Variants in EIF3A observed in about 807,000 individuals in gnomAD.
EIF3A encodes eukaryotic translation initiation factor 3 subunit A, also known as EIF3, p180 subunit.
A neutral mutation model predicts 186.6 loss-of-function variants in EIF3A; 21 were observed. The ratio of observed to expected loss-of-function variants is 0.11; its 90% CI spans 0.08 to 0.16. EIF3A has a LOEUF of 0.16. EIF3A is among the 10% of genes least tolerant of loss of function. The pLI, the probability that EIF3A is intolerant of heterozygous loss-of-function variation, is 1.00. For missense variants in EIF3A, 1,306 were observed against 1,796.3 expected (o/e 0.73, Z 4.93); for synonymous variants, 563 against 584.3 (o/e 0.96, Z 0.52).
intron 17 of EIF3A, among the ~76,000 whole-genome samples, chr10:119,046,745 G>T (rs893549412): frequency 6.6e-6 from 1 of 152,000 alleles, no homozygotes; most frequent in African/African-American, 2.4e-5. Context: ...GATCACCTGA[G>T]GTCAGGAGTT....
chr10:119,070,923 A>G lies in EIF3A; in HGVS notation c.704T>C (p.Val235Ala), dbSNP rs752325040. 1 of 1,613,984 alleles carries G rather than the reference A, an allele frequency of 6.2e-7. No individual in the cohort carries two copies. The highest frequency in any genetic ancestry group is 8.5e-7 in the Non-Finnish European group (1 of 1,179,860). ...SQSMHLETRL[V>A]QLDSAISMEL... ...CATGCTGATAGCACTGTCCAGCTGA[A>G]CAAGTCTGGTTTCCAAATGCATGGA... The change falls in exon 5 of 22, where the codon GTT (valine) becomes GCT (alanine). Residue 235 changes from valine (V) to alanine (A), a missense_variant. By Grantham distance (64) the Val-to-Ala change is moderately conservative. Coordinates refer to ENST00000369144, the MANE Select transcript of EIF3A (RefSeq NM_003750.4).
chr10:119,058,470 G>A (rs1843828064), intron 11 of EIF3A, among the ~76,000 whole-genome samples, 167 bp from the exon 12 acceptor site: 1 of 152,174 alleles, frequency 6.6e-6, no homozygotes, highest in African/African-American at 2.4e-5. Context: ...TAAATGCTAT[G>A]GTGTTGCTCC....
chr10:119,051,211 C>T lies in EIF3A; in HGVS notation c.2307G>A (p.Gln769=). The change falls in exon 15 of 22, where the codon CAG becomes CAA. Residue 769 remains glutamine, a synonymous_variant. Transcript: ENST00000369144. ...LFVMRLKAAR[Q]SVYEEKLKQF... is the part of the protein sequence containing the mutation. ...TCAGCAAGCTCACCTCATAAACAGA[C>T]TGCCGTGCAGCTTTGAGTCGCATTA... is the stretch of plus-strand genomic sequence containing the variant. 6.2e-7 allele frequency: 1 copy of T among 1,606,730 alleles called. No individual in the cohort carries two copies. The highest frequency in any genetic ancestry group is 8.5e-7 in the Non-Finnish European group (1 of 1,178,182).
At chr10:119,046,747 T>C (rs1195135933) in intron 17 of EIF3A, among the ~76,000 whole-genome samples, 1 of 151,454 alleles carries the variant, frequency 6.6e-6, no homozygotes, top group African/African-American at 2.4e-5. Flanking sequence ...TCACCTGAGG[T>C]CAGGAGTTCA....
At position 119,033,883 on chromosome 10, in the gene EIF3A, A is replaced by C. The variant is rs974997238; in HGVS notation, c.*2156T>G. ...TCAGTGTCTTTGGTTAAAAAAAAAA[A>C]AAAACACAGGCAGTTCTTTACATAA... On this transcript the variant is annotated 3_prime_UTR_variant, in exon 22 of 22. Transcript: ENST00000369144. 3.0e-5 allele frequency: 5 copies of C among 166,904 alleles called. No homozygotes were observed. Among genetic ancestry groups the C allele is most frequent in the Non-Finnish European group, 7.3e-5 (5 of 68,098 alleles). 10.3% of individuals were successfully genotyped at this position (166,904 alleles called of 1,614,324 possible).
chr10:119,067,362 GTAGA>G (rs1056439410), intron 6 of EIF3A, among the ~76,000 whole-genome samples: 5 of 152,172 alleles, frequency 3.3e-5, no homozygotes, highest in African/African-American at 1.2e-4. Context: ...CCTGAGGCAG[GTAGA>G]TCACTTGAGA....
Position 119,080,709 on chromosome 10 carries a change from C to A in EIF3A, c.-33G>T, listed in dbSNP as rs748702045. 2.5e-6 allele frequency: 4 copies of A among 1,577,032 alleles called. No individual in the cohort carries two copies. The South Asian group carries it at 4.7e-5, about 18-fold the overall frequency. ...GCAGGCTCAGCTCACCCGGCGTCAGCGAACTCTCTAGTGGCCCGGGCCGGG... is the reference window on the plus strand; with the variant it reads ...GCAGGCTCAGCTCACCCGGCGTCAGAGAACTCTCTAGTGGCCCGGGCCGGG... On this transcript the variant is annotated 5_prime_UTR_variant, in exon 1 of 22. Coordinates refer to ENST00000369144, the MANE Select transcript of EIF3A (RefSeq NM_003750.4).
intron 19 of EIF3A, among the ~76,000 whole-genome samples, chr10:119,039,727 C>A (rs1848183163): frequency 6.6e-6 from 1 of 151,998 alleles, no homozygotes; most frequent in South Asian, 2.1e-4. Flanking sequence ...TATGATATGC[C>A]TTAAGGAGAA....
intron 19 of EIF3A, 93 bp from the exon 20 acceptor site, chr10:119,038,532 T>G (rs1463839245): frequency 2.0e-6 from 2 of 995,630 alleles, no homozygotes; most frequent in Middle Eastern, 2.4e-4. Flanking sequence ...TAATTCATCA[T>G]CATTCTAAAT....
intron 17 of EIF3A, among the ~76,000 whole-genome samples, chr10:119,049,167 C>T (rs997200697): frequency 2.6e-5 from 4 of 151,916 alleles, no homozygotes; most frequent in African/African-American, 7.3e-5. Flanking sequence ...TTAAAAAGAG[C>T]GGTGAAAATG....
chr10:119,065,477 TATA>T lies in EIF3A; in HGVS notation c.1041_1043del (p.Ile348del). On this transcript the variant is annotated inframe_deletion, in exon 7 of 22. Coordinates refer to ENST00000369144, the MANE Select transcript of EIF3A (RefSeq NM_003750.4). ...TTGCAAGGCGACGCTGTTTTTCAAC[TATA>T]ATGCCATCCATATCCAGAAGTCGAG... is the stretch of plus-strand genomic sequence containing the variant. 1 of 1,613,546 alleles carries T rather than the reference TATA, an allele frequency of 6.2e-7. No individual in the cohort carries two copies. Among genetic ancestry groups the T allele is most frequent in the Non-Finnish European group, 8.5e-7 (1 of 1,179,454 alleles).
rs759685298 is a variant in EIF3A at position 119,080,724 on chromosome 10, C to T, written c.-48G>A. The T allele has an allele frequency of 1.3e-6, 2 of 1,559,796 alleles. No individual in the cohort carries two copies. Among genetic ancestry groups the T allele is most frequent in the East Asian group, 4.8e-5 (2 of 41,306 alleles). On this transcript the variant is annotated 5_prime_UTR_variant, in exon 1 of 22. Transcript: ENST00000369144. ...CCGGCGTCAGCGAACTCTCTAGTGG[C>T]CCGGGCCGGGAGAGGAGACGAAGGG...
At chr10:119,068,216 C>T (rs1355363630) in intron 6 of EIF3A, among the ~76,000 whole-genome samples, 1 of 152,092 alleles carries the variant, frequency 6.6e-6, no homozygotes, top group African/African-American at 2.4e-5. Context: ...TAGTTTGTTG[C>T]TAGAGAAGTT....
chr10:119,075,647 T>TAC lies in EIF3A; in HGVS notation c.50-1711_50-1710insGT, dbSNP rs1188833471. Among the ~76,000 whole-genome samples, 3 of 27,458 alleles carry TAC rather than the reference T, an allele frequency of 1.1e-4. No homozygotes were observed. In the East Asian group the frequency reaches 4.8e-3, roughly 44 times the overall value. The allele number at this position is 27,458 out of a possible 152,430, so 18.0% of individuals were successfully genotyped here. A position where few individuals can be genotyped will look rare whatever the true frequency, so the allele number is the denominator to read the frequency against. On this transcript the variant is annotated intron_variant, in intron 1 of 21. Transcript: ENST00000369144. ...GGGGGGGAGCTTAAAACACTATATA[T>TAC]ATACATATATATATATATATCTCCT...
At chr10:119,075,859 C>T (rs1296211856) in intron 1 of EIF3A, among the ~76,000 whole-genome samples, 6 of 143,322 alleles carry the variant, frequency 4.2e-5, no homozygotes, top group Non-Finnish European at 6.1e-5. Flanking sequence ...GACTACGGAG[C>T]TCGCCACCAC....
chr10:119,039,255 C>A (rs1848176389), intron 19 of EIF3A, among the ~76,000 whole-genome samples: 2 of 152,080 alleles, frequency 1.3e-5, no homozygotes, highest in South Asian at 4.1e-4. Flanking sequence ...TAACCCTGCA[C>A]AGTGGCTCAC....
chr10:119,039,883 AC>A (rs1848184937), intron 19 of EIF3A, among the ~76,000 whole-genome samples: 1 of 152,206 alleles, frequency 6.6e-6, no homozygotes, highest in South Asian at 2.1e-4. Flanking sequence ...TGATTGGTTG[AC>A]AAAAATATCA....
intron 7 of EIF3A, among the ~76,000 whole-genome samples, chr10:119,063,812 C>T (rs1388220928): frequency 2.0e-5 from 3 of 152,112 alleles, no homozygotes; most frequent in Non-Finnish European, 4.4e-5. Flanking sequence ...CTGGCCGGCA[C>T]GGTGGCACAC....
intron 1 of EIF3A, among the ~76,000 whole-genome samples, chr10:119,079,865 CTCTA>C (rs1027538782): frequency 3.3e-5 from 5 of 152,230 alleles, no homozygotes; most frequent in African/African-American, 9.6e-5. Context: ...GGAAACCTCT[CTCTA>C]GGCCTGTTTC....
Sources: allele counts gnomAD v4.1 joint callset (sites outside exome capture counted in the v4.1 genomes callset), GRCh38; gene constraint gnomAD v4.1.1; transcripts MANE v1.5; gene names NCBI Gene and HGNC (gene_info 2026-07-23, HGNC 2026-07-21).